Variants in FAM171B observed in about 807,000 individuals in gnomAD.
FAM171B encodes the protein family with sequence similarity 171 member B.
In FAM171B, 19 loss-of-function variants were observed where a neutral mutation model predicts 75.6. The ratio of observed to expected loss-of-function variants is 0.25; its 90% CI spans 0.18 to 0.37. The LOEUF is 0.37. Among genes scored for constraint, FAM171B ranks in the 10% least tolerant of loss-of-function variants. FAM171B has a pLI of 1.00. For missense variants in FAM171B, 848 were observed against 982.4 expected (o/e 0.86, Z 1.83); for synonymous variants, 367 against 361.7 (o/e 1.01, Z -0.17).
intron 1 of FAM171B, among the ~76,000 whole-genome samples, chr2:186,734,786 T>A (rs1574106242): frequency 6.6e-6 from 1 of 152,206 alleles, no homozygotes; most frequent in East Asian, 1.9e-4. Flanking sequence ...GTTTCCCACC[T>A]GTGGCCATGA....
intron 7 of FAM171B, 81 bp from the exon 8 acceptor site, chr2:186,761,398 T>G (rs1690613071): frequency 6.8e-7 from 1 of 1,479,746 alleles, no homozygotes; most frequent in Non-Finnish European, 9.0e-7. Flanking sequence ...ATGTATGATA[T>G]GTAGATTGGG....
chr2:186,740,159 A>T, intron 1 of FAM171B, 69 bp from the exon 2 acceptor site: 4 of 1,063,764 alleles, frequency 3.8e-6, no homozygotes, highest in Non-Finnish European at 5.7e-6. Context: ...ATGTTGAATG[A>T]CATTTAAAGA....
chr2:186,709,830 G>A (rs2105774253), intron 1 of FAM171B, among the ~76,000 whole-genome samples: 1 of 152,264 alleles, frequency 6.6e-6, no homozygotes, highest in Non-Finnish European at 1.5e-5. Context: ...TAATTATTGT[G>A]GTTGCAGTAT....
Position 186,747,100 on chromosome 2 carries a change from T to C in FAM171B, c.574T>C (p.Ser192Pro). ...GGTTTCCTTTTTTCCAGATGCCAAG[T>C]CTCAACCAAGTGTTCAGTTTTCAAA... ...LITGKLADAK[S>P]QPSVQFSKAL... is the part of the protein sequence containing the mutation. The change falls in exon 4 of 8, where the codon TCT becomes CCT. Residue 192 changes from serine (S) to proline (P), a missense_variant. Around this residue, in one of 3 missense-constraint regions of FAM171B, gnomAD observed 665 missense variants for 729.0 expected, o/e 0.91. Transcript: ENST00000304698. 6.3e-7 allele frequency: 1 copy of C among 1,588,326 alleles called. No homozygotes were observed. Among genetic ancestry groups the C allele is most frequent in the Non-Finnish European group, 8.5e-7 (1 of 1,169,984 alleles).
intron 1 of FAM171B, chr2:186,695,138 G>C (rs1689560380): frequency 6.6e-6 from 1 of 152,198 alleles, no homozygotes; most frequent in Non-Finnish European, 1.5e-5. Flanking sequence ...CCTATCCCTA[G>C]AGAGAGAAAT....
intron 5 of FAM171B, among the ~76,000 whole-genome samples, chr2:186,752,137 C>T (rs73033561): frequency 0.019 from 2,821 of 152,224 alleles, 103 homozygotes; most frequent in African/African-American, 0.065. Context: ...CTATATATAG[C>T]AGAAGCCCTT....
At chr2:186,757,604 T>A (rs1033767211) in intron 6 of FAM171B, among the ~76,000 whole-genome samples, 2 of 152,162 alleles carry the variant, frequency 1.3e-5, no homozygotes, top group Non-Finnish European at 2.9e-5. Context: ...TGCAAGAGAT[T>A]AATTTTTCAG....
In FAM171B at chr2:186,696,995, A is replaced by G. The variant is rs951803308; in HGVS notation, c.238+2584A>G. On this transcript the variant is annotated intron_variant, in intron 1 of 7. Coordinates refer to ENST00000304698, the MANE Select transcript of FAM171B (RefSeq NM_177454.4). ...CCCATAGACATTCAACCATTTGTTG[A>G]ATGGATGGACGGATGGATGGATGGA... Among the ~76,000 whole-genome samples the G allele has an allele frequency of 2.9e-4, 29 of 99,332 alleles. 1 individual carries two copies. The South Asian group carries it at 4.2e-3, about 14-fold the overall frequency. The allele number at this position is 99,332 out of a possible 152,430, so 65.2% of individuals were successfully genotyped here.
chr2:186,705,174 G>A (rs1024064637), intron 1 of FAM171B, among the ~76,000 whole-genome samples: 24 of 152,176 alleles, frequency 1.6e-4, no homozygotes, highest in African/African-American at 5.5e-4. Context: ...AGCAGCTCTG[G>A]GCAGTTTTGC....
At chr2:186,701,395 T>C (rs1390141384) in intron 1 of FAM171B, among the ~76,000 whole-genome samples, 2 of 152,194 alleles carry the variant, frequency 1.3e-5, no homozygotes, top group Admixed American at 6.5e-5. Flanking sequence ...ATTTCCAGTA[T>C]ACAGTACAAT....
chr2:186,724,147 T>C (rs550056937), intron 1 of FAM171B, among the ~76,000 whole-genome samples: 2 of 152,296 alleles, frequency 1.3e-5, no homozygotes, highest in East Asian at 1.9e-4. Flanking sequence ...TCCTTGCTTG[T>C]CATGAAGCCT....
intron 1 of FAM171B, among the ~76,000 whole-genome samples, chr2:186,705,901 T>A (rs1689727670): frequency 6.6e-6 from 1 of 152,238 alleles, no homozygotes; most frequent in Non-Finnish European, 1.5e-5. Context: ...TCGCATGACT[T>A]GAAATTGATT....
At chr2:186,726,586 G>C (rs1004979315) in intron 1 of FAM171B, among the ~76,000 whole-genome samples, 2 of 152,026 alleles carry the variant, frequency 1.3e-5, no homozygotes, top group African/African-American at 4.8e-5. Flanking sequence ...AATCGTGCTA[G>C]TACCCTGGGA....
intron 6 of FAM171B, among the ~76,000 whole-genome samples, chr2:186,755,562 C>T (rs1197051620): frequency 6.6e-6 from 1 of 152,120 alleles, no homozygotes; most frequent in Non-Finnish European, 1.5e-5. Context: ...ACATGGATGA[C>T]ATTTTACATA....
intron 1 of FAM171B, among the ~76,000 whole-genome samples, chr2:186,725,249 C>T (rs958683354): frequency 6.6e-6 from 1 of 150,852 alleles, no homozygotes; most frequent in African/African-American, 2.4e-5. Flanking sequence ...GAGGCTGAAG[C>T]AGGAGAATGG....
chr2:186,725,769 T>G (rs961277770), intron 1 of FAM171B, among the ~76,000 whole-genome samples: 1 of 152,226 alleles, frequency 6.6e-6, no homozygotes, highest in Non-Finnish European at 1.5e-5. Context: ...ACATGAAGTA[T>G]CCTTAATAAA....
chr2:186,758,118 A>G (rs962905722), intron 6 of FAM171B, among the ~76,000 whole-genome samples: 2 of 137,906 alleles, frequency 1.5e-5, no homozygotes, highest in African/African-American at 5.3e-5. Flanking sequence ...AGTGTGGTAT[A>G]GCGAAAACTG....
At position 186,697,613 on chromosome 2, in the gene FAM171B, T is replaced by A. The variant is rs1392469971; in HGVS notation, c.238+3202T>A. Among the ~76,000 whole-genome samples the A allele has an allele frequency of 2.6e-5, 4 of 152,188 alleles. 1 individual carries two copies. Among genetic ancestry groups the A allele is most frequent in the Non-Finnish European group, 5.9e-5 (4 of 68,038 alleles). On this transcript the variant is annotated intron_variant, in intron 1 of 7. Coordinates refer to ENST00000304698, the MANE Select transcript of FAM171B (RefSeq NM_177454.4). ...TTTAACATATATACCTTTAAATAGCTGTGATTGAGCTTGCATTCATTCTTT... is the reference window on the plus strand; with the variant it reads ...TTTAACATATATACCTTTAAATAGCAGTGATTGAGCTTGCATTCATTCTTT...
chr2:186,730,673 C>A (rs1348064448), intron 1 of FAM171B, among the ~76,000 whole-genome samples: 1 of 152,082 alleles, frequency 6.6e-6, no homozygotes, highest in Non-Finnish European at 1.5e-5. Context: ...TTTATATTAA[C>A]ATTATTGCAT....
Sources: gnomAD v4.1 joint callset for allele counts (sites outside exome capture counted in the v4.1 genomes callset) on GRCh38, gnomAD v4.1.1 for gene constraint, gnomAD v4.1.1 regional missense constraint, MANE v1.5 for transcripts, NCBI Gene and HGNC (gene_info 2026-07-23, HGNC 2026-07-21) for gene names.